NR5A2: variants seen among roughly 807,000 people sequenced by gnomAD.
The protein encoded by NR5A2 is nuclear receptor subfamily 5 group A member 2.
In NR5A2, 26 loss-of-function variants were observed where a neutral mutation model predicts 62.7. The ratio of observed to expected loss-of-function variants is 0.41; its 90% CI spans 0.30 to 0.58. NR5A2 has a LOEUF of 0.58. Ranked by LOEUF, NR5A2 falls within the 20% of genes least tolerant of loss-of-function variation. NR5A2 has a pLI of 0.22. For synonymous variants in NR5A2, 246 were observed against 241.7 expected (o/e 1.02, Z -0.16); for missense variants, 541 against 669.1 (o/e 0.81, Z 2.11).
At chr1:200,042,022 T>C (rs1222240656) in intron 2 of NR5A2, among the ~76,000 whole-genome samples, 1 of 152,176 alleles carries the variant, frequency 6.6e-6, no homozygotes, top group Non-Finnish European at 1.5e-5. Flanking sequence ...AGGAGAGCTA[T>C]CAACGTCTAG....
intron 6 of NR5A2, among the ~76,000 whole-genome samples, chr1:200,117,104 A>G (rs1444819064): frequency 6.6e-6 from 1 of 152,228 alleles, no homozygotes; most frequent in Admixed American, 6.5e-5. Flanking sequence ...AGGGGACATC[A>G]GTTTAGAGTA....
chr1:200,163,869 G>C (rs1007209925), intron 7 of NR5A2, among the ~76,000 whole-genome samples: 5 of 152,142 alleles, frequency 3.3e-5, no homozygotes, highest in African/African-American at 1.2e-4. Context: ...AGGGATATAA[G>C]AAAACAGGTG....
intron 5 of NR5A2, among the ~76,000 whole-genome samples, chr1:200,099,800 G>A (rs1010959334): frequency 2.6e-5 from 4 of 152,070 alleles, no homozygotes; most frequent in African/African-American, 9.7e-5. Context: ...CACCGTGTTA[G>A]CCAGGATGAT....
intron 6 of NR5A2, among the ~76,000 whole-genome samples, chr1:200,115,876 A>G (rs2816972): frequency 0.89 from 135,440 of 151,678 alleles, 60,481 homozygotes; most frequent in East Asian, 0.97. Flanking sequence ...AGTTGAGGAA[A>G]ACACCATTGC....
chr1:200,118,533 G>C (rs1666345471), intron 6 of NR5A2, among the ~76,000 whole-genome samples: 1 of 152,072 alleles, frequency 6.6e-6, no homozygotes, highest in Admixed American at 6.6e-5. Context: ...CTTGTCCAAG[G>C]CTCTTCGTTT....
chr1:200,171,729 C>T (rs1454746100), intron 7 of NR5A2, among the ~76,000 whole-genome samples: 1 of 152,118 alleles, frequency 6.6e-6, no homozygotes, highest in African/African-American at 2.4e-5. Context: ...AGCCTGGCAA[C>T]AGAGCAAGAC....
chr1:200,103,750 G>A (rs534605251), intron 5 of NR5A2, among the ~76,000 whole-genome samples: 2 of 152,256 alleles, frequency 1.3e-5, no homozygotes, highest in African/African-American at 4.8e-5. Flanking sequence ...GGAGGCATAC[G>A]GATAATCTAT....
intron 2 of NR5A2, among the ~76,000 whole-genome samples, chr1:200,042,511 C>T (rs1189313466): frequency 6.6e-6 from 1 of 152,210 alleles, no homozygotes; most frequent in Non-Finnish European, 1.5e-5. Flanking sequence ...GAAACTTCTG[C>T]CCGGCCGTGG....
rs1170222708 is a variant in NR5A2, at chr1:200,039,473, ACCTCCT to A, written c.65-180_65-175del. 1.3e-5 allele frequency among the ~76,000 whole-genome samples: 2 copies of A among 150,774 alleles called. No individual in the cohort carries two copies. The highest frequency in any genetic ancestry group is 4.0e-4 in the East Asian group (2 of 5,018). ...TTCCTCGCCTCCTTTTTTAACCCTG[ACCTCCT>A]CCTCGCAGCTTGGGGGCGGCTCCGG... On this transcript the variant is annotated intron_variant, in intron 1 of 7. Transcript: ENST00000367362. The surrounding 1 kb of genome is among the most constrained non-coding windows in gnomAD (Gnocchi z 5.1).
At chr1:200,055,131 G>A (rs993051430) in intron 5 of NR5A2, among the ~76,000 whole-genome samples, 5 of 151,776 alleles carry the variant, frequency 3.3e-5, no homozygotes, top group Non-Finnish European at 7.4e-5. Flanking sequence ...CTGGGTTCAA[G>A]CAGTCCTCCT....
At chr1:200,061,967 A>G (rs530134017) in intron 5 of NR5A2, among the ~76,000 whole-genome samples, 8 of 152,336 alleles carry the variant, frequency 5.3e-5, no homozygotes, top group Admixed American at 4.6e-4. Flanking sequence ...CACTGGATAC[A>G]TGTTGAATTA....
In NR5A2 at chr1:200,059,016, A is replaced by G. The variant is rs906601099; in HGVS notation, c.1110+10198A>G. The stretch of plus-strand genomic sequence containing the variant: ...TCCCAGCTACTTGGGAGGCTGAGGT[A>G]GGAGAATCACTTGACCTCAGGAGGC... On this transcript the variant is annotated intron_variant, in intron 5 of 7. Transcript: ENST00000367362. 1.9e-4 allele frequency among the ~76,000 whole-genome samples: 29 copies of G among 152,004 alleles called. 1 individual carries two copies. The highest frequency in any genetic ancestry group is 1.6e-3 in the Admixed American group (25 of 15,278).
At chr1:200,087,585 CAG>C (rs1268536326) in intron 5 of NR5A2, among the ~76,000 whole-genome samples, 2 of 151,192 alleles carry the variant, frequency 1.3e-5, no homozygotes, top group South Asian at 2.1e-4. Context: ...TCAGTAGAGA[CAG>C]AGTTTCACCG....
intron 1 of NR5A2, chr1:200,029,299 C>G (rs913085785): frequency 1.1e-5 from 2 of 175,460 alleles, no homozygotes; most frequent in African/African-American, 4.8e-5. Flanking sequence ...CAGCTGGCCG[C>G]TGCCAAAATA....
At chr1:200,042,534 C>T (rs999176640) in intron 2 of NR5A2, among the ~76,000 whole-genome samples, 3 of 152,228 alleles carry the variant, frequency 2.0e-5, no homozygotes, top group Non-Finnish European at 2.9e-5. Flanking sequence ...TTCCATCCCC[C>T]ACCTGCCCCA....
chr1:200,162,591 G>A (rs376014023), intron 7 of NR5A2, among the ~76,000 whole-genome samples: 43 of 152,246 alleles, frequency 2.8e-4, no homozygotes, highest in African/African-American at 6.0e-4. Context: ...AATGCATTTG[G>A]AGGCGGGGAC....
intron 5 of NR5A2, among the ~76,000 whole-genome samples, chr1:200,051,694 A>G (rs1340901812): frequency 6.6e-6 from 1 of 152,204 alleles, no homozygotes; most frequent in Non-Finnish European, 1.5e-5. Context: ...GAATTCAGAA[A>G]AACTTAAGGA....
chr1:200,114,301 CAT>C (rs10570351), intron 6 of NR5A2, among the ~76,000 whole-genome samples: 65,572 of 151,078 alleles, frequency 0.43, 14,576 homozygotes, highest in East Asian at 0.68. Context: ...TATACACACA[CAT>C]ATATATGATA....
intron 5 of NR5A2, among the ~76,000 whole-genome samples, chr1:200,060,900 G>A (rs1470083769): frequency 5.7e-5 from 8 of 141,538 alleles, no homozygotes; most frequent in African/African-American, 2.2e-4. Flanking sequence ...TCAGGAGTTC[G>A]AGACCATCCT....
Sources: allele counts gnomAD v4.1 joint callset (sites outside exome capture counted in the v4.1 genomes callset), GRCh38; gene constraint gnomAD v4.1.1; non-coding constraint Gnocchi (gnomAD v3.1); transcripts MANE v1.5; gene names NCBI Gene and HGNC (gene_info 2026-07-23, HGNC 2026-07-21).